RIPK4: variants seen among roughly 807,000 people sequenced by gnomAD.
RIPK4 encodes receptor-interacting serine/threonine-protein kinase 4.
A neutral mutation model predicts 42.9 loss-of-function variants in RIPK4; 17 were observed. The observed-to-expected ratio is 0.40, with a 90% confidence interval of 0.27 to 0.59. The LOEUF (loss-of-function observed/expected upper bound fraction) is 0.59. RIPK4 is among the 20% of genes least tolerant of loss of function. The pLI, the probability that RIPK4 is intolerant of heterozygous loss-of-function variation, is 0.47. For missense variants in RIPK4, 897 were observed against 1,104.4 expected (o/e 0.81, Z 2.66); for synonymous variants, 498 against 499.1 (o/e 1.00, Z 0.03).
At chr21:41,747,463 T>C (rs2061175358) in intron 4 of RIPK4, among the ~76,000 whole-genome samples, 1 of 152,238 alleles carries the variant, frequency 6.6e-6, no homozygotes, top group South Asian at 2.1e-4. Context: ...TTCTTTTTTC[T>C]GCTTAGCCTG....
chr21:41,743,492 C>T (rs2061160798), intron 7 of RIPK4, among the ~76,000 whole-genome samples: 1 of 152,212 alleles, frequency 6.6e-6, no homozygotes, highest in East Asian at 1.9e-4. Context: ...GGGTGTGTAC[C>T]CAGCAGCGTC....
rs2061168651 is a variant in RIPK4, at chr21:41,745,752, T to C, written c.936+7A>G. 12 of 1,611,418 alleles carry C rather than the reference T, an allele frequency of 7.4e-6. No individual in the cohort carries two copies. In the South Asian group the frequency reaches 1.1e-4, roughly 15 times the overall value. On this transcript the variant is annotated splice_region_variant and intron_variant, in intron 6 of 7. Transcript: ENST00000332512. ...GACAAAAGACCCCTGTGGGAAGGAC[T>C]CGTTACCTCGCTCCTGGGCTCCGGG... is the stretch of plus-strand genomic sequence containing the variant.
chr21:41,760,722 C>A (rs548516370), intron 1 of RIPK4, among the ~76,000 whole-genome samples: 1 of 151,726 alleles, frequency 6.6e-6, no homozygotes, highest in East Asian at 1.9e-4. Context: ...CAGCTCTCTA[C>A]GGTGGACGCG....
chr21:41,741,630 C>T lies in RIPK4; in HGVS notation c.1563G>A (p.Arg521=), dbSNP rs1335450198. The T allele has an allele frequency of 6.2e-7, 1 of 1,613,296 alleles. No individual in the cohort carries two copies. The highest frequency in any genetic ancestry group is 8.5e-7 in the Non-Finnish European group (1 of 1,180,016). Residue 521 remains arginine, a synonymous_variant, in exon 8 of 8, where the codon CGG becomes CGA. Coordinates refer to ENST00000332512, the MANE Select transcript of RIPK4 (RefSeq NM_020639.3). ...AAQNGDESST[R]LLLEKNASVN... is the part of the protein sequence containing the mutation. ...CCGAGGCGTTCTTCTCCAACAGCAG[C>T]CGTGTGCTAGACTCGTCCCCGTTCT...
At chr21:41,754,778 C>A (rs1324816812) in intron 2 of RIPK4, among the ~76,000 whole-genome samples, 1 of 152,094 alleles carries the variant, frequency 6.6e-6, no homozygotes, top group Non-Finnish European at 1.5e-5. Context: ...GGGCCACACA[C>A]CCTGCCCCCA....
At position 41,739,455 on chromosome 21, in the gene RIPK4, G is replaced by C. The variant is rs982488018; in HGVS notation, c.*1383C>G. 1 of 152,164 alleles carries C rather than the reference G, an allele frequency of 6.6e-6. No individual in the cohort carries two copies. The highest frequency in any genetic ancestry group is 1.5e-5 in the Non-Finnish European group (1 of 68,040). 9.4% of individuals were successfully genotyped at this position (152,164 alleles called of 1,614,324 possible). Reference sequence around the variant, plus strand: ...TCACGCAGTCCACACAACAGTAAAGGCACAATGAGGCATATTAAAACATAG... The same window carrying C: ...TCACGCAGTCCACACAACAGTAAAGCCACAATGAGGCATATTAAAACATAG... On this transcript the variant is annotated 3_prime_UTR_variant, in exon 8 of 8. Transcript: ENST00000332512.
At chr21:41,766,615 C>T (rs2061237603) in intron 1 of RIPK4, among the ~76,000 whole-genome samples, 1 of 151,972 alleles carries the variant, frequency 6.6e-6, no homozygotes, top group African/African-American at 2.4e-5. Context: ...CCAGAGGAGC[C>T]GCCTGACCCG....
chr21:41,740,818 C>T lies in RIPK4; in HGVS notation c.*20G>A, dbSNP rs201904938. On this transcript the variant is annotated 3_prime_UTR_variant, in exon 8 of 8. Transcript: ENST00000332512. The stretch of plus-strand genomic sequence containing the variant: ...AGGACAAGAGCCCCACGTGGACCCC[C>T]GGTCTCCGCAGGCAGCCAGCTAGGT... 146 of 1,576,200 alleles carry T rather than the reference C, an allele frequency of 9.3e-5. No homozygotes were observed. The highest frequency in any genetic ancestry group is 6.7e-5 in the East Asian group (3 of 44,496).
At chr21:41,766,155 G>A (rs932024154) in intron 1 of RIPK4, among the ~76,000 whole-genome samples, 4 of 152,236 alleles carry the variant, frequency 2.6e-5, no homozygotes, top group African/African-American at 9.6e-5. Context: ...GCTAAAACGA[G>A]AGTGTGCGGC....
rs56092943 is a variant in RIPK4 at position 41,741,768 on chromosome 21, C to T, written c.1425G>A (p.Leu475=). ...GCACCCTCCTCTCCACGGCCATGTG[C>T]AACGGGGTGGAGCCCCTACGGTTGC... is the stretch of plus-strand genomic sequence containing the variant. ...NLSNRRGSTP[L]HMAVERRVRG... Residue 475 remains leucine (L), a synonymous_variant, in exon 8 of 8, where the codon TTG becomes TTA. Transcript: ENST00000332512. 31,528 of 1,611,782 alleles carry T rather than the reference C, an allele frequency of 0.02. 383 individuals carry two copies. Among genetic ancestry groups the T allele is most frequent in the Non-Finnish European group, 0.024 (28,387 of 1,180,020 alleles).
At chr21:41,762,752 T>C (rs1306198250) in intron 1 of RIPK4, among the ~76,000 whole-genome samples, 1 of 151,128 alleles carries the variant, frequency 6.6e-6, no homozygotes, top group Non-Finnish European at 1.5e-5. Context: ...CTTATTCTGA[T>C]GACCACACAA....
rs567183773 is a variant in RIPK4 at position 41,755,652 on chromosome 21, C to A, written c.474+873G>T. The stretch of plus-strand genomic sequence containing the variant: ...CTACATGGATCCGGACCATGGCTCT[C>A]GGCTCCTTCTCACTCCCAGGGCAGA... On this transcript the variant is annotated intron_variant, in intron 2 of 7. Coordinates refer to ENST00000332512, the MANE Select transcript of RIPK4 (RefSeq NM_020639.3). The surrounding 1 kb of genome is among the most constrained non-coding windows in gnomAD (Gnocchi z 4.2). Among the ~76,000 whole-genome samples the A allele has an allele frequency of 1.3e-5, 2 of 152,208 alleles. No homozygotes were observed. The highest frequency in any genetic ancestry group is 2.9e-5 in the Non-Finnish European group (2 of 68,028).
rs1390149186 is a variant in RIPK4 at position 41,746,754 on chromosome 21, G to A, written c.691C>T (p.His231Tyr). ...CCCTTCACCACCTTCACCATGATGT[G>A]CAGGATGTTCTTCTCATCTGCCAAG... ...KPFADEKNIL[H>Y]IMVKVVKGHR... Residue 231 changes from histidine to tyrosine, a missense_variant, in exon 5 of 8, where the codon CAC becomes TAC. Physicochemically the swap from His to Tyr is moderately conservative, Grantham distance 83. Transcript: ENST00000332512. The A allele has an allele frequency of 1.9e-6, 3 of 1,600,044 alleles. No individual in the cohort carries two copies. The Admixed American group carries it at 5.1e-5, about 27-fold the overall frequency.
rs2061159156 is a variant in RIPK4, at chr21:41,742,948, C to T, written c.1195+934G>A. Among the ~76,000 whole-genome samples the T allele has an allele frequency of 6.6e-6, 1 of 152,236 alleles. No homozygotes were observed. The highest frequency in any genetic ancestry group is 2.1e-4 in the South Asian group (1 of 4,832). On this transcript the variant is annotated intron_variant, in intron 7 of 7. Coordinates refer to ENST00000332512, the MANE Select transcript of RIPK4 (RefSeq NM_020639.3). This position sits in a 1 kb window ranked among gnomAD's most constrained non-coding sequence, Gnocchi z 5.1. ...CACCCACTGCTTATCTGCCGTCGAA[C>T]CAGGTCTTCCCCACTGTGTCTATGT... is the stretch of plus-strand genomic sequence containing the variant.
intron 1 of RIPK4, among the ~76,000 whole-genome samples, chr21:41,765,672 C>G (rs976536938): frequency 6.6e-6 from 1 of 152,198 alleles, no homozygotes; most frequent in African/African-American, 2.4e-5. Context: ...GCCGAGCATT[C>G]GAAACCAGGT....
intron 6 of RIPK4, among the ~76,000 whole-genome samples, 172 bp from the exon 7 acceptor site, chr21:41,744,312 A>G (rs11701287): frequency 1.3e-5 from 2 of 151,994 alleles, no homozygotes; most frequent in Non-Finnish European, 2.9e-5. Flanking sequence ...CAGACCCCGC[A>G]TCGGCACAGC....
intron 2 of RIPK4, among the ~76,000 whole-genome samples, chr21:41,753,948 G>A (rs1254090928): frequency 1.3e-5 from 2 of 152,178 alleles, no homozygotes; most frequent in Non-Finnish European, 2.9e-5. Context: ...TATATGTAAT[G>A]TTGAATAATA....
In RIPK4 at chr21:41,755,757, A is replaced by G. The variant is rs1207382193; in HGVS notation, c.474+768T>C. On this transcript the variant is annotated intron_variant, in intron 2 of 7. Coordinates refer to ENST00000332512, the MANE Select transcript of RIPK4 (RefSeq NM_020639.3). The surrounding 1 kb of genome is among the most constrained non-coding windows in gnomAD (Gnocchi z 4.2). ...CATCACCACGTGGGGAAAAACTACA[A>G]CGCGCCAGGTGTAACCACCACATGT... Among the ~76,000 whole-genome samples, 1 of 152,106 alleles carries G rather than the reference A, an allele frequency of 6.6e-6. No individual in the cohort carries two copies. The highest frequency in any genetic ancestry group is 1.5e-5 in the Non-Finnish European group (1 of 68,022).
chr21:41,746,116 C>T (rs769577008), intron 5 of RIPK4: 9 of 693,444 alleles, frequency 1.3e-5, no homozygotes, highest in Non-Finnish European at 5.3e-6. Context: ...ACCTGCCAGT[C>T]ACAGGGAGCA....
Sources: gnomAD v4.1 joint callset for allele counts (sites outside exome capture counted in the v4.1 genomes callset) on GRCh38, gnomAD v4.1.1 for gene constraint, Gnocchi (gnomAD v3.1) non-coding constraint, MANE v1.5 for transcripts, NCBI Gene and HGNC (gene_info 2026-07-23, HGNC 2026-07-21) for gene names.